The following IRAK1BP1 variants were observed in gnomAD, a reference collection of about 807,000 sequenced individuals.
IRAK1BP1 encodes the protein interleukin 1 receptor associated kinase 1 binding protein 1.
A neutral mutation model predicts 28.0 loss-of-function variants in IRAK1BP1; 24 were observed. The ratio of observed to expected loss-of-function variants is 0.86; its 90% CI spans 0.62 to 1.20. The LOEUF (loss-of-function observed/expected upper bound fraction) is 1.20. IRAK1BP1 is among the 50% of genes most tolerant of loss of function. The probability of loss-of-function intolerance (pLI) is 0.00; values close to 1 mark genes in which losing one functional copy is unlikely to be tolerated. For synonymous variants in IRAK1BP1, 131 were observed against 116.3 expected (o/e 1.13, Z -0.81); for missense variants, 336 against 316.7 (o/e 1.06, Z -0.46).
intron 4 of IRAK1BP1, among the ~76,000 whole-genome samples, chr6:78,917,723 C>T (rs929562510): frequency 2.0e-5 from 3 of 150,390 alleles, no homozygotes; most frequent in Non-Finnish European, 4.4e-5. Context: ...TAACAGTAGA[C>T]TTCTCAGCAG....
At chr6:78,958,654 T>C in the IRAK1BP1 span, 5 of 1,065,472 alleles carry the variant, frequency 4.7e-6, no homozygotes, top group Non-Finnish European at 5.7e-6. Context: ...GAAATATGTG[T>C]ACATCATTTA....
the IRAK1BP1 span, among the ~76,000 whole-genome samples, chr6:78,971,516 G>A: frequency 6.2e-4 from 95 of 152,212 alleles, 1 homozygote; most frequent in East Asian, 4.1e-3. Context: ...CCATTATTGC[G>A]GGGAGGGGCC....
chr6:78,937,586 T>A (rs568681924), intron 4 of IRAK1BP1: 2 of 151,848 alleles, frequency 1.3e-5, no homozygotes, highest in East Asian at 3.9e-4. Flanking sequence ...TCCACATACT[T>A]ATTTACTTGG....
rs67306723 is a variant in IRAK1BP1, at chr6:78,902,768, CTACATACATACATACATACA to C, written c.*4469_*4488del. The C allele has an allele frequency of 0.057, 17,476 of 307,490 alleles. 663 individuals carry two copies. Among genetic ancestry groups the C allele is most frequent in the South Asian group, 0.097 (936 of 9,660 alleles). 19.0% of individuals were successfully genotyped at this position (307,490 alleles called of 1,614,324 possible). A position where few individuals can be genotyped will look rare whatever the true frequency, so the allele number is the denominator to read the frequency against. ...CCTGGGTGACAAAGTGAGACTCCAT[CTACATACATACATACATACA>C]TACATACATACATACATACATACAT... On this transcript the variant is annotated 3_prime_UTR_variant, in exon 4 of 4. Coordinates refer to ENST00000369940, the MANE Select transcript of IRAK1BP1 (RefSeq NM_001010844.4).
At chr6:78,974,016 C>A in the IRAK1BP1 span, among the ~76,000 whole-genome samples, 20 of 152,192 alleles carry the variant, frequency 1.3e-4, 1 homozygote, top group South Asian at 4.2e-3. Flanking sequence ...CAGCTCTGCA[C>A]CAAGCAGACC....
chr6:78,895,425 A>T (rs533575769), intron 2 of IRAK1BP1, among the ~76,000 whole-genome samples: 77 of 152,300 alleles, frequency 5.1e-4, no homozygotes, highest in South Asian at 1.0e-3. Flanking sequence ...ACAGACCAAT[A>T]TCCATCATAA....
At chr6:78,919,589 C>G (rs1261298264) in intron 4 of IRAK1BP1, among the ~76,000 whole-genome samples, 1 of 152,092 alleles carries the variant, frequency 6.6e-6, no homozygotes. Flanking sequence ...ACTAGAAACT[C>G]TAGAGAAAAA....
chr6:78,954,980 C>A, the IRAK1BP1 span: 1 of 1,509,594 alleles, frequency 6.6e-7, no homozygotes, highest in Non-Finnish European at 8.9e-7. Flanking sequence ...TAAAAGTGTT[C>A]AAATATATTA....
chr6:78,922,255 G>A (rs1326560942), intron 4 of IRAK1BP1, among the ~76,000 whole-genome samples: 3 of 152,296 alleles, frequency 2.0e-5, no homozygotes, highest in Non-Finnish European at 4.4e-5. Context: ...GAAAACCATG[G>A]CACGAGAACT....
At position 78,898,698 on chromosome 6, in the gene IRAK1BP1, C is replaced by T. The variant is rs1354920862; in HGVS notation, c.*364C>T. 2 of 151,750 alleles carry T rather than the reference C, an allele frequency of 1.3e-5. No individual in the cohort carries two copies. The highest frequency in any genetic ancestry group is 2.9e-5 in the Non-Finnish European group (2 of 67,916). 9.4% of individuals were successfully genotyped at this position (151,750 alleles called of 1,614,324 possible). ...ATTTAAGCTAAAATTTTCTCAGCCA[C>T]ATTTTTATATAAAACCAAATTTTAT... is the stretch of plus-strand genomic sequence containing the variant. On this transcript the variant is annotated 3_prime_UTR_variant, in exon 4 of 4. Coordinates refer to ENST00000369940, the MANE Select transcript of IRAK1BP1 (RefSeq NM_001010844.4).
chr6:78,875,239 T>C (rs752447921), intron 1 of IRAK1BP1, among the ~76,000 whole-genome samples: 4 of 151,856 alleles, frequency 2.6e-5, no homozygotes, highest in Non-Finnish European at 5.9e-5. Flanking sequence ...ATAACAGATA[T>C]TGGCAAGATT....
At chr6:78,967,823 A>C in the IRAK1BP1 span, among the ~76,000 whole-genome samples, 1 of 152,056 alleles carries the variant, frequency 6.6e-6, no homozygotes, top group East Asian at 1.9e-4. Context: ...TTTATTGGCA[A>C]ATGCAACTCC....
the IRAK1BP1 span, chr6:78,955,319 T>A: frequency 1.4e-6 from 2 of 1,399,776 alleles, no homozygotes; most frequent in Non-Finnish European, 1.0e-6. Context: ...ATAAAACATT[T>A]TAGATGTCAT....
chr6:78,921,898 G>A (rs1772742249), intron 4 of IRAK1BP1, among the ~76,000 whole-genome samples: 1 of 152,118 alleles, frequency 6.6e-6, no homozygotes, highest in Non-Finnish European at 1.5e-5. Context: ...AAACGGAAAG[G>A]ACATCCATAT....
chr6:78,880,066 C>G (rs1049007884), intron 1 of IRAK1BP1, among the ~76,000 whole-genome samples: 10 of 151,040 alleles, frequency 6.6e-5, no homozygotes, highest in Non-Finnish European at 1.3e-4. Context: ...GAGTGTAGAT[C>G]AAAAGACTAT....
intron 2 of IRAK1BP1, among the ~76,000 whole-genome samples, chr6:78,889,066 A>G (rs1449269263): frequency 1.3e-5 from 2 of 150,138 alleles, no homozygotes; most frequent in Admixed American, 1.3e-4. Context: ...CCAATGAGTC[A>G]AGATCATGCC....
downstream of IRAK1BP1, among the ~76,000 whole-genome samples, chr6:78,905,277 T>A (rs983115108): frequency 2.6e-5 from 4 of 151,580 alleles, no homozygotes; most frequent in African/African-American, 9.8e-5. Context: ...TATTGTTTGG[T>A]GATAACTCTG....
intron 4 of IRAK1BP1, among the ~76,000 whole-genome samples, chr6:78,910,852 C>G (rs765240217): frequency 6.6e-6 from 1 of 152,246 alleles, no homozygotes; most frequent in South Asian, 2.1e-4. Flanking sequence ...GGTGCGCGCT[C>G]CGTGCTGGGA....
At chr6:78,962,318 A>G in the IRAK1BP1 span, among the ~76,000 whole-genome samples, 79 of 152,192 alleles carry the variant, frequency 5.2e-4, no homozygotes, top group Non-Finnish European at 1.1e-3. Flanking sequence ...GTAAAGTTGT[A>G]CAGCAAAAAC....
Sources: allele counts gnomAD v4.1 joint callset (sites outside exome capture counted in the v4.1 genomes callset), GRCh38; gene constraint gnomAD v4.1.1; transcripts MANE v1.5; gene names NCBI Gene and HGNC (gene_info 2026-07-23, HGNC 2026-07-21).